M1AP: variants seen among roughly 807,000 people sequenced by gnomAD.
The protein encoded by M1AP is meiosis 1 associated protein.
A neutral mutation model predicts 51.2 loss-of-function variants in M1AP; 39 were observed. The ratio of observed to expected loss-of-function variants is 0.76; its 90% CI spans 0.59 to 1.00. The LOEUF (loss-of-function observed/expected upper bound fraction) is 1.00, where lower values mean the gene tolerates loss of function less well. Among genes scored for constraint, M1AP ranks in the 50% least tolerant of loss-of-function variants. The probability of loss-of-function intolerance (pLI) is 0.00; values close to 1 mark genes in which losing one functional copy is unlikely to be tolerated. For synonymous variants in M1AP, 251 were observed against 249.2 expected (o/e 1.01, Z -0.07); for missense variants, 545 against 641.2 (o/e 0.85, Z 1.62).
At chr2:74,633,200 T>C (rs964891563) in intron 2 of M1AP, among the ~76,000 whole-genome samples, 1 of 152,196 alleles carries the variant, frequency 6.6e-6, no homozygotes, top group African/African-American at 2.4e-5. Context: ...CCTCACCAGA[T>C]TGCCATGGGA....
At chr2:74,598,131 C>T (rs1680450944) in intron 4 of M1AP, among the ~76,000 whole-genome samples, 1 of 152,106 alleles carries the variant, frequency 6.6e-6, no homozygotes, top group Admixed American at 6.6e-5. Flanking sequence ...CCTGTAATCC[C>T]AGCACTTTGG....
At chr2:74,623,978 T>C (rs1464469371) in intron 2 of M1AP, among the ~76,000 whole-genome samples, 2 of 152,238 alleles carry the variant, frequency 1.3e-5, no homozygotes, top group African/African-American at 4.8e-5. Context: ...GCCTACAATA[T>C]ACTGTTAATT....
intron 1 of M1AP, among the ~76,000 whole-genome samples, chr2:74,645,948 AAC>A (rs1228827933): frequency 6.6e-6 from 1 of 152,260 alleles, no homozygotes; most frequent in Non-Finnish European, 1.5e-5. Context: ...GTCTTCCAAC[AAC>A]ACAGTTCAAA....
At chr2:74,645,687 G>A (rs987301196) in intron 1 of M1AP, among the ~76,000 whole-genome samples, 1 of 152,096 alleles carries the variant, frequency 6.6e-6, no homozygotes, top group Admixed American at 6.6e-5. Context: ...AATTAAAACT[G>A]GGTATAACTA....
intron 2 of M1AP, among the ~76,000 whole-genome samples, chr2:74,627,386 T>C (rs1396241809): frequency 6.6e-6 from 1 of 152,176 alleles, no homozygotes; most frequent in African/African-American, 2.4e-5. Flanking sequence ...TTCAAATAAT[T>C]TCCTAGTGGA....
At chr2:74,581,560 T>G in intron 5 of M1AP, 114 bp downstream of exon 5, 1 of 996,868 alleles carries the variant, frequency 1.0e-6, no homozygotes, top group Non-Finnish European at 1.5e-6. Context: ...CATCCAACCC[T>G]CTTCCAGTCC....
At chr2:74,597,703 T>C (rs1013612597) in intron 4 of M1AP, among the ~76,000 whole-genome samples, 9 of 152,234 alleles carry the variant, frequency 5.9e-5, no homozygotes, top group South Asian at 2.1e-4. Flanking sequence ...CTGAGAGATG[T>C]AGACTAGTTG....
At position 74,576,617 on chromosome 2, in the gene M1AP, C is replaced by G; in HGVS notation, c.771G>C (p.Met257Ile). The G allele has an allele frequency of 6.2e-7, 1 of 1,613,856 alleles. No homozygotes were observed. The highest frequency in any genetic ancestry group is 1.1e-5 in the South Asian group (1 of 91,068). Residue 257 changes from methionine to isoleucine, a missense_variant and splice_region_variant, in exon 6 of 11, where the codon ATG (methionine) becomes ATC (isoleucine). Physicochemically the swap from Met to Ile is conservative, Grantham distance 10. Transcript: ENST00000421985. The part of the protein sequence containing the change: ...SNISRPRDNP[M>I]CLKCDLQERL... Reference sequence around the variant, plus strand: ...GCTCTTGGAGATCACATTTCAGACACACTACAATAAAAGGAGATTACATTT... The same window carrying G: ...GCTCTTGGAGATCACATTTCAGACAGACTACAATAAAAGGAGATTACATTT...
intron 2 of M1AP, chr2:74,628,318 T>C: frequency 2.9e-6 from 1 of 349,340 alleles, no homozygotes; most frequent in Non-Finnish European, 5.8e-6. Flanking sequence ...AAGCTTTCTC[T>C]ATTCAGGAAG....
chr2:74,588,580 GCTCATTTGC>G (rs1353822256), intron 4 of M1AP, among the ~76,000 whole-genome samples: 3 of 152,208 alleles, frequency 2.0e-5, no homozygotes, highest in Non-Finnish European at 4.4e-5. Flanking sequence ...GTCTTTCTAA[GCTCATTTGC>G]CTCATTTGTG....
chr2:74,560,098 A>T (rs2104491516), intron 9 of M1AP, 53 bp downstream of exon 9: 3 of 1,590,242 alleles, frequency 1.9e-6, no homozygotes, highest in African/African-American at 1.3e-5. Flanking sequence ...GACTCTGGGC[A>T]TGAAGGGGAG....
intron 2 of M1AP, among the ~76,000 whole-genome samples, chr2:74,616,816 C>A (rs986793977): frequency 6.6e-6 from 1 of 152,090 alleles, no homozygotes; most frequent in Admixed American, 6.5e-5. Context: ...TGGAAATATT[C>A]CTCTTAATGG....
chr2:74,565,107 C>T (rs2104520352), intron 7 of M1AP, among the ~76,000 whole-genome samples: 1 of 152,154 alleles, frequency 6.6e-6, no homozygotes, highest in Admixed American at 6.5e-5. Context: ...CCTGTAATCC[C>T]AGCTACTCAG....
chr2:74,604,542 A>C (rs1179369278), intron 4 of M1AP, among the ~76,000 whole-genome samples: 5 of 152,258 alleles, frequency 3.3e-5, no homozygotes, highest in East Asian at 1.9e-4. Flanking sequence ...GCCACAGCTG[A>C]TCTGACAGGA....
intron 10 of M1AP, 101 bp from the exon 11 acceptor site, chr2:74,558,975 T>G: frequency 8.7e-7 from 1 of 1,144,768 alleles, no homozygotes; most frequent in Non-Finnish European, 1.2e-6. Context: ...CCTAAGTTCA[T>G]TCCCTGGAGT....
chr2:74,611,147 T>A (rs1161040453), intron 3 of M1AP, among the ~76,000 whole-genome samples: 1 of 152,212 alleles, frequency 6.6e-6, no homozygotes, highest in Non-Finnish European at 1.5e-5. Flanking sequence ...TTTTTTATTG[T>A]TGTGCCCTTG....
chr2:74,606,314 C>G (rs911633516), intron 4 of M1AP, among the ~76,000 whole-genome samples: 1 of 152,208 alleles, frequency 6.6e-6, no homozygotes, highest in African/African-American at 2.4e-5. Context: ...CTGTGTGACT[C>G]CCCTGGTCAT....
intron 2 of M1AP, among the ~76,000 whole-genome samples, chr2:74,620,164 C>A (rs945296484): frequency 6.6e-6 from 1 of 152,060 alleles, no homozygotes; most frequent in African/African-American, 2.4e-5. Context: ...TTGACAAGGA[C>A]GACATTCATT....
At chr2:74,593,027 A>T (rs189035786) in intron 4 of M1AP, among the ~76,000 whole-genome samples, 1 of 152,314 alleles carries the variant, frequency 6.6e-6, no homozygotes, top group East Asian at 1.9e-4. Flanking sequence ...GATGGGGCTG[A>T]TTTCAGATAG....
Sources: gnomAD v4.1 joint callset for allele counts (sites outside exome capture counted in the v4.1 genomes callset) on GRCh38, gnomAD v4.1.1 for gene constraint, MANE v1.5 for transcripts, NCBI Gene and HGNC (gene_info 2026-07-23, HGNC 2026-07-21) for gene names.